The following NLGN4X variants were observed in gnomAD, a reference collection of about 807,000 sequenced individuals.
NLGN4X encodes the protein neuroligin-4, X-linked.
In NLGN4X, 3 loss-of-function variants were observed where a neutral mutation model predicts 40.3. The observed-to-expected ratio is 0.07, with a 90% CI of 0.03 to 0.19. The LOEUF is 0.19. NLGN4X is among the 10% of genes least tolerant of loss of function. The pLI is 1.00. For missense variants in NLGN4X, 382 were observed against 708.3 expected, an observed-to-expected ratio of 0.54 and a Z score of 5.23; for synonymous variants, 270 against 306.8, an observed-to-expected ratio of 0.88 and a Z score of 1.25.
intron 3 of NLGN4X, among the ~76,000 whole-genome samples, chrX:5,969,069 C>A (rs1211508800): frequency 1.8e-5 from 2 of 110,458 alleles, no homozygotes; most frequent in African/African-American, 6.6e-5. Context: ...CCATAAAAAC[C>A]CTAGAAGAAA....
chrX:6,177,750 T>G (rs1315032034), intron 1 of NLGN4X, among the ~76,000 whole-genome samples: 1 of 110,295 alleles, frequency 9.1e-6, no homozygotes, highest in African/African-American at 3.3e-5. Flanking sequence ...CTTCATGGAG[T>G]TGGGCAAGGC....
intron 5 of NLGN4X, among the ~76,000 whole-genome samples, chrX:5,901,948 T>C (rs918409229): frequency 8.3e-5 from 9 of 108,588 alleles, no homozygotes; most frequent in African/African-American, 3.0e-4. Flanking sequence ...ATTAAATATA[T>C]ATAGGAATAT....
At chrX:6,099,589 C>T (rs1210611671) in intron 2 of NLGN4X, among the ~76,000 whole-genome samples, 6 of 112,022 alleles carry the variant, frequency 5.4e-5, no homozygotes, top group Non-Finnish European at 1.1e-4. Flanking sequence ...TCCATTCTTA[C>T]ACCATAAAGA....
chrX:6,221,398 T>C (rs1247598320), intron 1 of NLGN4X, among the ~76,000 whole-genome samples: 7 of 34,918 alleles, frequency 2.0e-4, no homozygotes, highest in Non-Finnish European at 3.5e-4. Flanking sequence ...ATATTATATA[T>C]ATATATATAT....
At chrX:5,944,194 C>A (rs2034047743) in intron 3 of NLGN4X, among the ~76,000 whole-genome samples, 2 of 111,628 alleles carry the variant, frequency 1.8e-5, no homozygotes, top group Admixed American at 9.5e-5. Context: ...ACAGTTACAC[C>A]CCCTCTGCTG....
intron 1 of NLGN4X, among the ~76,000 whole-genome samples, chrX:6,215,970 G>A (rs1460763162): frequency 9.2e-6 from 1 of 108,535 alleles, no homozygotes; most frequent in Non-Finnish European, 1.9e-5. Context: ...TCCGACTCCT[G>A]AGTTCAAGCC....
intron 4 of NLGN4X, among the ~76,000 whole-genome samples, chrX:5,906,710 C>T (rs1218593875): frequency 9.0e-6 from 1 of 110,802 alleles, no homozygotes; most frequent in Non-Finnish European, 1.9e-5. Context: ...AACGGGGTCT[C>T]GCTATGTTGA....
At chrX:5,899,038 C>T (rs1033008985) in intron 5 of NLGN4X, among the ~76,000 whole-genome samples, 1 of 112,069 alleles carries the variant, frequency 8.9e-6, no homozygotes, top group Admixed American at 9.5e-5. Flanking sequence ...AGTGAAATTC[C>T]CCATTTCCTT....
At chrX:6,139,824 G>T (rs992036976) in intron 2 of NLGN4X, among the ~76,000 whole-genome samples, 2 of 111,576 alleles carry the variant, frequency 1.8e-5, no homozygotes, top group Non-Finnish European at 3.8e-5. Flanking sequence ...CCTTGTCTAT[G>T]CTGATTGCAA....
intron 2 of NLGN4X, among the ~76,000 whole-genome samples, chrX:6,066,348 TTCAGTC>T (rs748723395): frequency 5.1e-4 from 57 of 112,535 alleles, no homozygotes; most frequent in African/African-American, 1.8e-3. Context: ...ACAGTTTAAT[TTCAGTC>T]TCAGAGTCTA....
At chrX:6,082,956 CTT>C (rs1184184483) in intron 2 of NLGN4X, among the ~76,000 whole-genome samples, 2 of 45,982 alleles carry the variant, frequency 4.3e-5, no homozygotes, top group African/African-American at 1.7e-4. Flanking sequence ...GCGTTTTTTT[CTT>C]TTTTTTTTTT....
At chrX:6,207,960 A>G (rs1172338704) in intron 1 of NLGN4X, among the ~76,000 whole-genome samples, 3 of 112,262 alleles carry the variant, frequency 2.7e-5, no homozygotes, top group Admixed American at 9.5e-5. Context: ...CATCTGCCAC[A>G]TAAATTCATC....
At chrX:6,185,862 A>C (rs1475328954) in intron 1 of NLGN4X, among the ~76,000 whole-genome samples, 1 of 111,462 alleles carries the variant, frequency 9.0e-6, no homozygotes, top group Admixed American at 9.6e-5. Context: ...AACCCACACG[A>C]ACCAGCTGCA....
chrX:6,008,285 TTC>T (rs1355716143), intron 3 of NLGN4X, among the ~76,000 whole-genome samples: 8 of 111,962 alleles, frequency 7.1e-5, no homozygotes, highest in Middle Eastern at 4.6e-3. Flanking sequence ...CTAATCTACT[TTC>T]TGTCTCTATG....
chrX:6,116,384 T>G (rs1390573734), intron 2 of NLGN4X, among the ~76,000 whole-genome samples: 1 of 72,071 alleles, frequency 1.4e-5, no homozygotes, highest in Non-Finnish European at 2.4e-5. Flanking sequence ...GTATTGAACC[T>G]TTCTTTCTTT....
At chrX:6,226,879 C>T in intron 1 of NLGN4X, 1 of 123,993 alleles carries the variant, frequency 8.1e-6, no homozygotes, top group Non-Finnish European at 1.7e-5. Context: ...CCTCTCCCTA[C>T]CTCATCCCCG....
intron 1 of NLGN4X, among the ~76,000 whole-genome samples, chrX:6,168,146 T>TCC (rs754875742): frequency 1.8e-5 from 2 of 112,073 alleles, no homozygotes; most frequent in South Asian, 7.4e-4. Flanking sequence ...CTGTTCTATT[T>TCC]CCCCCACGTT....
chrX:5,999,885 A>G (rs1602038054), intron 3 of NLGN4X, among the ~76,000 whole-genome samples: 1 of 112,517 alleles, frequency 8.9e-6, no homozygotes, highest in Non-Finnish European at 1.9e-5. Flanking sequence ...TGGCTGCCAC[A>G]GAAAATGTCA....
chrX:6,043,910 T>G (rs916913463), intron 2 of NLGN4X, among the ~76,000 whole-genome samples: 2 of 110,482 alleles, frequency 1.8e-5, no homozygotes, highest in African/African-American at 3.3e-5. Flanking sequence ...CACGAAGGCT[T>G]TTGCTACTCT....
Sources: gnomAD v4.1 joint callset for allele counts (sites outside exome capture counted in the v4.1 genomes callset) on GRCh38, gnomAD v4.1.1 for gene constraint, MANE v1.5 for transcripts, NCBI Gene and HGNC (gene_info 2026-07-23, HGNC 2026-07-21) for gene names.